The following TIA1 variants were observed in gnomAD, a reference collection of about 807,000 sequenced individuals.
TIA1 encodes TIA1 cytotoxic granule associated RNA binding protein.
In TIA1, 23 loss-of-function variants were observed where a neutral mutation model predicts 65.9. The observed-to-expected ratio is 0.35, with a 90% CI of 0.25 to 0.49. The LOEUF is 0.49. Ranked by LOEUF, TIA1 falls within the 20% of genes least tolerant of loss-of-function variation. TIA1 has a pLI of 0.98. For synonymous variants in TIA1, 147 were observed against 149.4 expected, an observed-to-expected ratio of 0.98 and a Z score of 0.12; for missense variants, 371 against 477.9, an observed-to-expected ratio of 0.78 and a Z score of 2.09.
At chr2:70,212,902 G>T (rs1676886095) in intron 12 of TIA1, 57 bp from the exon 13 acceptor site, 1 of 1,170,130 alleles carries the variant, frequency 8.5e-7, no homozygotes, top group Non-Finnish European at 1.3e-6. Flanking sequence ...TTAAAATAAA[G>T]TATTGGCAAG....
intron 2 of TIA1, among the ~76,000 whole-genome samples, chr2:70,232,200 C>A (rs1389331522): frequency 8.5e-6 from 1 of 117,992 alleles, no homozygotes; most frequent in Non-Finnish European, 1.7e-5. Flanking sequence ...CAGAGCGAGA[C>A]TCTGTCTCAA....
intron 6 of TIA1, 184 bp from the exon 7 acceptor site, chr2:70,224,813 C>G: frequency 7.2e-7 from 1 of 1,380,648 alleles, no homozygotes; most frequent in East Asian, 2.6e-5. Flanking sequence ...TATAGACATG[C>G]AAATCAATAA....
rs541155539 is a variant in TIA1 at position 70,211,682 on chromosome 2, T to C, written c.*1037A>G. On this transcript the variant is annotated 3_prime_UTR_variant, in exon 13 of 13. Coordinates refer to ENST00000433529, the MANE Select transcript of TIA1 (RefSeq NM_022173.4). ...AAAAACAAGAGCAGATGACTTTGTA[T>C]TCAAAGACTACCAAAGTATGTATTT... 6.5e-6 allele frequency: 1 copy of C among 152,762 alleles called. No individual in the cohort carries two copies. The highest frequency in any genetic ancestry group is 2.1e-4 in the South Asian group (1 of 4,828). The allele number at this position is 152,762 out of a possible 1,614,324, so 9.5% of individuals were successfully genotyped here.
intron 7 of TIA1, among the ~76,000 whole-genome samples, chr2:70,218,354 T>C (rs557820144): frequency 6.6e-6 from 1 of 152,304 alleles, no homozygotes; most frequent in South Asian, 2.1e-4. Flanking sequence ...TTCAGTGGAA[T>C]CCAGCGAGCA....
chr2:70,213,321 C>T (rs1398922683), intron 12 of TIA1, among the ~76,000 whole-genome samples: 2 of 150,850 alleles, frequency 1.3e-5, no homozygotes, highest in Non-Finnish European at 3.0e-5. Context: ...AAATTCATAA[C>T]ATTACAAGAT....
chr2:70,214,783 T>C (rs1316830456), intron 11 of TIA1, among the ~76,000 whole-genome samples: 2 of 152,218 alleles, frequency 1.3e-5, no homozygotes, highest in Non-Finnish European at 2.9e-5. Context: ...AGTAGAATGT[T>C]TAAGTGTTTG....
chr2:70,235,057 CG>C (rs1276440094), intron 2 of TIA1, among the ~76,000 whole-genome samples: 2 of 152,028 alleles, frequency 1.3e-5, no homozygotes, highest in East Asian at 3.9e-4. Flanking sequence ...AACAAACAAA[CG>C]AAAAGTTTAC....
At position 70,210,122 on chromosome 2, in the gene TIA1, CCT is replaced by C. The variant is rs1676114309; in HGVS notation, c.*2595_*2596del. On this transcript the variant is annotated 3_prime_UTR_variant, in exon 13 of 13. Coordinates refer to ENST00000433529, the MANE Select transcript of TIA1 (RefSeq NM_022173.4). ...CTGGAATAAGATTAAAAAAAAAATA[CCT>C]GAGTGAATATAACAATATGGATAGA... is the stretch of plus-strand genomic sequence containing the variant. The C allele has an allele frequency of 6.1e-6, 1 of 164,656 alleles. No homozygotes were observed. The highest frequency in any genetic ancestry group is 1.3e-5 in the Non-Finnish European group (1 of 77,012). 10.2% of individuals were successfully genotyped at this position (164,656 alleles called of 1,614,324 possible).
At chr2:70,242,494 CAAAAAA>C (rs11380260) in intron 1 of TIA1, among the ~76,000 whole-genome samples, 49 of 33,452 alleles carry the variant, frequency 1.5e-3, no homozygotes, top group African/African-American at 6.7e-3. Flanking sequence ...GACTCAGTCT[CAAAAAA>C]AAAAAAAAAA....
At chr2:70,212,949 A>C in intron 12 of TIA1, 104 bp from the exon 13 acceptor site, 1 of 750,600 alleles carries the variant, frequency 1.3e-6, no homozygotes, top group Middle Eastern at 2.4e-4. Context: ...AATGGGAAAC[A>C]TACTTTTTCT....
At chr2:70,218,052 A>G (rs1219214674) in intron 7 of TIA1, among the ~76,000 whole-genome samples, 3 of 152,228 alleles carry the variant, frequency 2.0e-5, no homozygotes, top group Non-Finnish European at 4.4e-5. Flanking sequence ...ACAAGCATAC[A>G]TGGTCTCTTA....
At chr2:70,229,976 C>T (rs1287405665) in intron 3 of TIA1, among the ~76,000 whole-genome samples, 1 of 150,994 alleles carries the variant, frequency 6.6e-6, no homozygotes, top group Non-Finnish European at 1.5e-5. Context: ...CGGTGGCTCA[C>T]GCCTGTAATC....
In TIA1 at chr2:70,229,315, C is replaced by A; in HGVS notation, c.226G>T (p.Val76Phe). The change falls in exon 4 of 13, where the codon GTC becomes TTC. Residue 76 changes from valine to phenylalanine, a missense_variant. By Grantham distance (50) the Val-to-Phe change is conservative. Transcript: ENST00000433529. ...GGGGTTGTTGCCCAATTCACTTTGA[C>A]TTCCTAAAAAAAAAAAATTTCTACA... ...MNGRKIMGKE[V>F]KVNWATTPSS... 1 of 1,603,468 alleles carries A rather than the reference C, an allele frequency of 6.2e-7. No individual in the cohort carries two copies.
Position 70,227,764 on chromosome 2 carries a change from T to C in TIA1, c.369A>G (p.Lys123=). Residue 123 remains lysine, a synonymous_variant, in exon 6 of 13, where the codon AAA becomes AAG. Coordinates refer to ENST00000433529, the MANE Select transcript of TIA1 (RefSeq NM_022173.4). ...TTCTTCCAAATGGTGCAAAAGCAGC[T>C]TTTATATCTTCAGTTGTAATTTCTG... ...LSPEITTEDI[K]AAFAPFGRIS... The C allele has an allele frequency of 6.3e-7, 1 of 1,595,922 alleles. No individual in the cohort carries two copies. Among genetic ancestry groups the C allele is most frequent in the Non-Finnish European group, 8.6e-7 (1 of 1,168,914 alleles).
chr2:70,221,798 A>ATT lies in TIA1; in HGVS notation c.474+2754_474+2755dup, dbSNP rs59035343. Among the ~76,000 whole-genome samples the ATT allele has an allele frequency of 6.7e-5, 10 of 149,504 alleles. No individual in the cohort carries two copies. In the South Asian group the frequency reaches 1.1e-3, roughly 16 times the overall value. On this transcript the variant is annotated intron_variant, in intron 7 of 12. Coordinates refer to ENST00000433529, the MANE Select transcript of TIA1 (RefSeq NM_022173.4). ...CTGAATTGTATACTTTAAAAAAAAA[A>ATT]TTTTTTTTTTTGAGACAGGGTCTCT...
chr2:70,232,540 CAAAAAAAAAAAA>C (rs70956955), intron 2 of TIA1, among the ~76,000 whole-genome samples: 667 of 40,348 alleles, frequency 0.017, 13 homozygotes, highest in Non-Finnish European at 0.02. Flanking sequence ...AACTCTGTCT[CAAAAAAAAAAAA>C]AAAAAAAAAA....
chr2:70,243,095 C>G (rs935289126), intron 1 of TIA1, among the ~76,000 whole-genome samples: 7 of 151,968 alleles, frequency 4.6e-5, no homozygotes, highest in Admixed American at 1.3e-4. Context: ...CTTAAGTTAC[C>G]CTAGAGGGAA....
chr2:70,219,535 A>AT (rs1417413213), intron 7 of TIA1, among the ~76,000 whole-genome samples: 2 of 152,180 alleles, frequency 1.3e-5, no homozygotes, highest in East Asian at 3.8e-4. Flanking sequence ...TCCAGGCATG[A>AT]TCACAGCTTA....
chr2:70,235,765 T>C lies in TIA1; in HGVS notation c.123+314A>G, dbSNP rs140757247. Among the ~76,000 whole-genome samples, 382 of 152,336 alleles carry C rather than the reference T, an allele frequency of 2.5e-3. 2 individuals carry two copies. The highest frequency in any genetic ancestry group is 8.8e-3 in the African/African-American group (367 of 41,580). On this transcript the variant is annotated intron_variant, in intron 2 of 12. Coordinates refer to ENST00000433529, the MANE Select transcript of TIA1 (RefSeq NM_022173.4). ...AACCAGTTGACACCACATATAAACA[T>C]TTCTGATGCCTCAATGCACCTGAAA...
Sources: gnomAD v4.1 joint callset for allele counts (sites outside exome capture counted in the v4.1 genomes callset) on GRCh38, gnomAD v4.1.1 for gene constraint, MANE v1.5 for transcripts, NCBI Gene and HGNC (gene_info 2026-07-23, HGNC 2026-07-21) for gene names.